FAM199X: variants seen among roughly 807,000 people sequenced by gnomAD.
FAM199X encodes family with sequence similarity 199, X-linked.
FAM199X carries 4 observed loss-of-function variants against 22.9 expected under a neutral mutation model. That is an observed-to-expected ratio of 0.17 (90% CI 0.09 to 0.40). The LOEUF (loss-of-function observed/expected upper bound fraction) is 0.40, where lower values mean the gene tolerates loss of function less well. FAM199X is among the 10% of genes least tolerant of loss of function. FAM199X has a pLI of 1.00. For synonymous variants in FAM199X, 101 were observed against 112.3 expected (o/e 0.90, Z 0.64); for missense variants, 183 against 306.8 (o/e 0.60, Z 3.01).
intron 1 of FAM199X, among the ~76,000 whole-genome samples, chrX:104,167,677 G>A (rs1191938317): frequency 9.0e-6 from 1 of 111,019 alleles, no homozygotes; most frequent in Non-Finnish European, 1.9e-5. Flanking sequence ...CTTCCCCTTT[G>A]AAGAGACAGA....
At chrX:104,187,112 T>G (rs1556379351) in intron 4 of FAM199X, among the ~76,000 whole-genome samples, 1 of 109,265 alleles carries the variant, frequency 9.2e-6, no homozygotes, top group Admixed American at 9.8e-5. Flanking sequence ...TTTTTTTTTT[T>G]TGAGACAGAG....
At chrX:104,158,315 C>CTATA in the FAM199X span, among the ~76,000 whole-genome samples, 3 of 111,222 alleles carry the variant, frequency 2.7e-5, no homozygotes, top group Admixed American at 1.9e-4. Context: ...AAGGAGGTGA[C>CTATA]TATAGTAGGA....
At chrX:104,178,894 G>C (rs1381322857) in intron 2 of FAM199X, among the ~76,000 whole-genome samples, 1 of 111,544 alleles carries the variant, frequency 9.0e-6, no homozygotes, top group Non-Finnish European at 1.9e-5. Context: ...TTGATAAGCC[G>C]AGGTGGGTAG....
chrX:104,192,935 C>T lies in FAM199X; in HGVS notation c.*3157C>T, dbSNP rs1273961968. ...ATAGCGGTATCCAGATTCTGATGAG[C>T]TTTAAAAATTATAAAATATAGCAAA... is the stretch of plus-strand genomic sequence containing the variant. On this transcript the variant is annotated 3_prime_UTR_variant, in exon 6 of 6. Transcript: ENST00000493442. 3.6e-5 allele frequency: 4 copies of T among 111,615 alleles called. No individual in the cohort carries two copies. Among genetic ancestry groups the T allele is most frequent in the African/African-American group, 1.3e-4 (4 of 30,819 alleles). The allele number at this position is 111,615 out of a possible 1,213,427, so 9.2% of individuals were successfully genotyped here.
chrX:104,175,613 G>T lies in FAM199X; in HGVS notation c.198-10G>T. Reference sequence around the variant, plus strand: ...GTTCTCTTGATTTCTTTCGTGTTGTGTTTTTGAAGGTGGAACCTAACTTCT... The same window carrying T: ...GTTCTCTTGATTTCTTTCGTGTTGTTTTTTTGAAGGTGGAACCTAACTTCT... On this transcript the variant is annotated splice_polypyrimidine_tract_variant and intron_variant, in intron 1 of 5. Coordinates refer to ENST00000493442, the MANE Select transcript of FAM199X (RefSeq NM_207318.4). 1 of 1,199,768 alleles carries T rather than the reference G, an allele frequency of 8.3e-7. No individual in the cohort carries two copies. The highest frequency in any genetic ancestry group is 1.7e-5 in the African/African-American group (1 of 57,444).
chrX:104,164,190 A>C (rs1921100157), upstream of FAM199X, among the ~76,000 whole-genome samples: 1 of 112,332 alleles, frequency 8.9e-6, no homozygotes, highest in Non-Finnish European at 1.9e-5. Flanking sequence ...TAGAAACGTG[A>C]ACATACTACT....
At position 104,187,427 on chromosome X, in the gene FAM199X, G is replaced by A. The variant is rs782143444; in HGVS notation, c.730-613G>A. ...ATTTTTGCTGTTCTTTTTCTGGTACGTAGCTGAGTGAATACTTACGTTCTT... is the reference window on the plus strand; with the variant it reads ...ATTTTTGCTGTTCTTTTTCTGGTACATAGCTGAGTGAATACTTACGTTCTT... On this transcript the variant is annotated intron_variant, in intron 4 of 5. Coordinates refer to ENST00000493442, the MANE Select transcript of FAM199X (RefSeq NM_207318.4). Among the ~76,000 whole-genome samples, 59 of 111,787 alleles carry A rather than the reference G, an allele frequency of 5.3e-4. 1 individual carries two copies. The highest frequency in any genetic ancestry group is 1.9e-3 in the African/African-American group (59 of 30,780).
intron 1 of FAM199X, among the ~76,000 whole-genome samples, chrX:104,175,392 TTCATCTG>T (rs200035374): frequency 0.011 from 1,235 of 111,921 alleles, 23 homozygotes; most frequent in African/African-American, 0.039. Context: ...GGCATCATGC[TTCATCTG>T]TACCTCTATC....
chrX:104,169,858 G>A (rs782689487), intron 1 of FAM199X, among the ~76,000 whole-genome samples: 2 of 112,097 alleles, frequency 1.8e-5, no homozygotes, highest in South Asian at 7.4e-4. Flanking sequence ...GTGAGCCACC[G>A]CGCCCGGCCC....
At chrX:104,173,555 C>T (rs917931341) in intron 1 of FAM199X, among the ~76,000 whole-genome samples, 9 of 110,956 alleles carry the variant, frequency 8.1e-5, no homozygotes, top group Admixed American at 6.7e-4. Flanking sequence ...AAATGAAGTG[C>T]GTAATTTAAG....
intron 1 of FAM199X, among the ~76,000 whole-genome samples, chrX:104,169,083 C>T (rs1267736386): frequency 4.6e-5 from 5 of 109,417 alleles, no homozygotes; most frequent in African/African-American, 1.4e-4. Flanking sequence ...TGCTTTCTTA[C>T]CCCTCCTCAA....
chrX:104,180,915 C>A (rs1302290177), intron 2 of FAM199X, among the ~76,000 whole-genome samples: 1 of 112,236 alleles, frequency 8.9e-6, no homozygotes. Context: ...AAGAAAAATG[C>A]TCACTACTTA....
intron 1 of FAM199X, among the ~76,000 whole-genome samples, chrX:104,169,445 C>A (rs1166893085): frequency 1.8e-5 from 2 of 112,000 alleles, no homozygotes; most frequent in African/African-American, 6.5e-5. Context: ...TTGATAAGGA[C>A]CTTATGATTA....
chrX:104,191,287 AT>A lies in FAM199X; in HGVS notation c.*1513del, dbSNP rs1166819643. 7.2e-5 allele frequency: 8 copies of A among 111,870 alleles called. No homozygotes were observed. In the Admixed American group the frequency reaches 7.6e-4, roughly 11 times the overall value. The allele number at this position is 111,870 out of a possible 1,213,427, so 9.2% of individuals were successfully genotyped here. On this transcript the variant is annotated 3_prime_UTR_variant, in exon 6 of 6. Coordinates refer to ENST00000493442, the MANE Select transcript of FAM199X (RefSeq NM_207318.4). Reference sequence around the variant, plus strand: ...TCATGTGTTTTAAAATTTTGATTTCATTTTCGTTCCTTGAAGGTTAAAGAAT... The same window carrying A: ...TCATGTGTTTTAAAATTTTGATTTCATTTCGTTCCTTGAAGGTTAAAGAAT...
intron 1 of FAM199X, among the ~76,000 whole-genome samples, chrX:104,171,161 T>G (rs2147889722): frequency 9.0e-6 from 1 of 111,677 alleles, no homozygotes; most frequent in South Asian, 3.7e-4. Flanking sequence ...ATGCTTTTCT[T>G]AATTTTAACG....
intron 1 of FAM199X, among the ~76,000 whole-genome samples, chrX:104,169,713 G>A (rs782048664): frequency 4.5e-5 from 5 of 111,842 alleles, no homozygotes; most frequent in Non-Finnish European, 7.5e-5. Flanking sequence ...GACTATAGGC[G>A]TGTACCACTA....
At chrX:104,183,764 C>T (rs989978782) in intron 2 of FAM199X, among the ~76,000 whole-genome samples, 2 of 111,929 alleles carry the variant, frequency 1.8e-5, no homozygotes, top group Admixed American at 9.4e-5. Flanking sequence ...TGCGCCCAGC[C>T]GTTAATGAGA....
At chrX:104,186,855 G>T (rs1556379281) in intron 4 of FAM199X, among the ~76,000 whole-genome samples, 1 of 111,620 alleles carries the variant, frequency 9.0e-6, no homozygotes, top group African/African-American at 3.3e-5. Context: ...AGTTGTATAG[G>T]ATTTGAAATT....
intron 2 of FAM199X, among the ~76,000 whole-genome samples, chrX:104,179,155 C>T (rs1921573874): frequency 9.0e-6 from 1 of 111,581 alleles, no homozygotes; most frequent in Non-Finnish European, 1.9e-5. Flanking sequence ...ATTTTAGGAT[C>T]AGGTTGCCCG....
Sources: allele counts gnomAD v4.1 joint callset (sites outside exome capture counted in the v4.1 genomes callset), GRCh38; gene constraint gnomAD v4.1.1; transcripts MANE v1.5; gene names NCBI Gene and HGNC (gene_info 2026-07-23, HGNC 2026-07-21).